The following HERC3 variants were observed in gnomAD, a reference collection of about 807,000 sequenced individuals.
HERC3 encodes the protein probable E3 ubiquitin-protein ligase HERC3.
HERC3 carries 58 observed loss-of-function variants against 129.9 expected under a neutral mutation model. The observed-to-expected ratio is 0.45, with a 90% CI of 0.36 to 0.56. The LOEUF is 0.56. HERC3 is among the 20% of genes least tolerant of loss of function. The pLI is 0.00. For missense variants in HERC3, 835 were observed against 1,244.2 expected (o/e 0.67, Z 4.95); for synonymous variants, 430 against 451.0 (o/e 0.95, Z 0.59).
At chr4:88,544,114 C>T in the HERC3 span, among the ~76,000 whole-genome samples, 1 of 152,090 alleles carries the variant, frequency 6.6e-6, no homozygotes, top group East Asian at 1.9e-4. Context: ...AAAAGTAACT[C>T]TCATCAGAGT....
At chr4:88,626,277 G>A (rs775284849) in intron 3 of HERC3, among the ~76,000 whole-genome samples, 1 of 151,786 alleles carries the variant, frequency 6.6e-6, no homozygotes, top group Non-Finnish European at 1.5e-5. Flanking sequence ...GAACTCCTGG[G>A]ATCTAGTGAT....
intron 6 of HERC3, among the ~76,000 whole-genome samples, chr4:88,653,332 G>T (rs1338165279): frequency 1.3e-5 from 2 of 152,206 alleles, no homozygotes; most frequent in African/African-American, 4.8e-5. Flanking sequence ...GTGGGGAAGG[G>T]CCCCTCTGAT....
chr4:88,706,789 C>T lies in HERC3; in HGVS notation c.2982C>T (p.Gly994=), dbSNP rs745312813. 6.2e-6 allele frequency: 10 copies of T among 1,614,066 alleles called. No homozygotes were observed. In the East Asian group the frequency reaches 2.2e-4, roughly 36 times the overall value. Reference sequence around the variant, plus strand: ...GCAGCGATCGGATTCCCATCTACGGCATGGCCAGTCTGCAGATTGTCATCC... The same window carrying T: ...GCAGCGATCGGATTCCCATCTACGGTATGGCCAGTCTGCAGATTGTCATCC... ...LTGSDRIPIY[G]MASLQIVIQS... Residue 994 remains glycine (G), a synonymous_variant, in exon 26 of 26, where the codon GGC becomes GGT. Transcript: ENST00000402738.
intron 5 of HERC3, among the ~76,000 whole-genome samples, chr4:88,652,622 C>A (rs564499204): frequency 7.2e-5 from 11 of 152,314 alleles, no homozygotes; most frequent in African/African-American, 2.6e-4. Context: ...TTTACTTATA[C>A]ATTTAATATT....
chr4:88,599,403 A>G (rs183270029), intron 2 of HERC3, among the ~76,000 whole-genome samples: 83 of 152,174 alleles, frequency 5.5e-4, no homozygotes, highest in Non-Finnish European at 9.1e-4. Context: ...TATTTGACCA[A>G]TTGAAGATTC....
chr4:88,664,248 T>G, intron 12 of HERC3, 36 bp downstream of exon 12: 703 of 1,388,862 alleles, frequency 5.1e-4, no homozygotes, highest in Non-Finnish European at 6.6e-4. Flanking sequence ...CCCTCACGTG[T>G]ACCTGTAGTC....
At chr4:88,689,281 A>T (rs937415159) in intron 23 of HERC3, among the ~76,000 whole-genome samples, 3 of 151,664 alleles carry the variant, frequency 2.0e-5, no homozygotes, top group Admixed American at 6.6e-5. Flanking sequence ...AAGGTGGGTG[A>T]ATTGCTTGAG....
chr4:88,551,632 A>C, the HERC3 span, among the ~76,000 whole-genome samples: 68 of 152,066 alleles, frequency 4.5e-4, 1 homozygote, highest in East Asian at 3.9e-3. Context: ...AGTCAGGAAA[A>C]AACAGGTGCT....
At chr4:88,636,284 A>G (rs1234452185) in intron 3 of HERC3, among the ~76,000 whole-genome samples, 3 of 152,214 alleles carry the variant, frequency 2.0e-5, no homozygotes, top group South Asian at 4.1e-4. Flanking sequence ...TAGGCTCAAA[A>G]TAAAGGGATG....
chr4:88,560,459 T>C, the HERC3 span, among the ~76,000 whole-genome samples: 1 of 152,264 alleles, frequency 6.6e-6, no homozygotes, highest in East Asian at 1.9e-4. Context: ...TTGAGTTGTA[T>C]AGGTTCTTTA....
At chr4:88,529,768 T>A in the HERC3 span, among the ~76,000 whole-genome samples, 1 of 149,178 alleles carries the variant, frequency 6.7e-6, no homozygotes, top group Non-Finnish European at 1.5e-5. Context: ...AAAAAAAAAA[T>A]GTTGGTTCTC....
chr4:88,589,100 G>A (rs1437769858), upstream of HERC3, among the ~76,000 whole-genome samples: 1 of 152,060 alleles, frequency 6.6e-6, no homozygotes, highest in African/African-American at 2.4e-5. Context: ...GTGTGCGTGT[G>A]TGTGTGTGTA....
the HERC3 span, among the ~76,000 whole-genome samples, chr4:88,564,386 A>G: frequency 3.9e-5 from 6 of 152,346 alleles, no homozygotes; most frequent in East Asian, 1.2e-3. Flanking sequence ...AGCAAAATTC[A>G]GCAGTGTTGC....
At chr4:88,659,411 A>G (rs1322447938) in intron 10 of HERC3, among the ~76,000 whole-genome samples, 1 of 152,232 alleles carries the variant, frequency 6.6e-6, no homozygotes. Context: ...TACACAAAGT[A>G]TTTGCCTTCT....
chr4:88,570,899 G>A, the HERC3 span, among the ~76,000 whole-genome samples: 18 of 151,656 alleles, frequency 1.2e-4, no homozygotes, highest in African/African-American at 4.1e-4. Flanking sequence ...GACTACAGGC[G>A]CCCACCACCA....
intron 23 of HERC3, among the ~76,000 whole-genome samples, chr4:88,703,162 C>A (rs1735474870): frequency 6.6e-6 from 1 of 152,176 alleles, no homozygotes; most frequent in Non-Finnish European, 1.5e-5. Flanking sequence ...ACACCCTTAA[C>A]CAGTCACATA....
intron 14 of HERC3, among the ~76,000 whole-genome samples, 159 bp downstream of exon 14, chr4:88,668,240 C>T (rs1560741144): frequency 6.6e-6 from 1 of 152,086 alleles, no homozygotes; most frequent in Non-Finnish European, 1.5e-5. Context: ...TTTTAGCTAA[C>T]CCTATTTTCA....
At chr4:88,573,050 G>A in the HERC3 span, among the ~76,000 whole-genome samples, 1 of 152,156 alleles carries the variant, frequency 6.6e-6, no homozygotes, top group Non-Finnish European at 1.5e-5. Context: ...GTATTCACTG[G>A]ATTTTAATTA....
Position 88,592,482 on chromosome 4 carries a change from T to C in HERC3, c.-180T>C, listed in dbSNP as rs1176657621. The C allele has an allele frequency of 6.6e-6, 1 of 152,224 alleles. No homozygotes were observed. The highest frequency in any genetic ancestry group is 1.5e-5 in the Non-Finnish European group (1 of 68,102). 9.4% of individuals were successfully genotyped at this position (152,224 alleles called of 1,614,324 possible). A position where few individuals can be genotyped will look rare whatever the true frequency, so the allele number is the denominator to read the frequency against. ...CCGCAGGCTTGCGGGGAAACTTCCT[T>C]ATTATTGTGACGCCGAAAACGGAGA... On this transcript the variant is annotated 5_prime_UTR_variant, in exon 1 of 26. Transcript: ENST00000402738.
Sources: allele counts gnomAD v4.1 joint callset (sites outside exome capture counted in the v4.1 genomes callset), GRCh38; gene constraint gnomAD v4.1.1; transcripts MANE v1.5; gene names NCBI Gene and HGNC (gene_info 2026-07-23, HGNC 2026-07-21).